PCDHGB5: variants seen among roughly 807,000 people sequenced by gnomAD.
The protein encoded by PCDHGB5 is protocadherin gamma-B5.
A neutral mutation model predicts 62.9 loss-of-function variants in PCDHGB5; 48 were observed. That is an observed-to-expected ratio of 0.76 (90% CI 0.61 to 0.97). The LOEUF is 0.97. PCDHGB5 is among the 50% of genes least tolerant of loss of function. PCDHGB5 has a pLI of 0.00. For synonymous variants in PCDHGB5, 474 were observed against 511.2 expected (o/e 0.93, Z 0.98); for missense variants, 1,118 against 1,198.6 (o/e 0.93, Z 0.99).
intron 1 of PCDHGB5, among the ~76,000 whole-genome samples, chr5:141,429,564 C>A (rs995466828): frequency 2.0e-5 from 3 of 152,092 alleles, no homozygotes; most frequent in African/African-American, 7.2e-5. Flanking sequence ...TGATAATATT[C>A]AGTTACATTT....
At chr5:141,464,976 A>G (rs2154568682) in intron 1 of PCDHGB5, among the ~76,000 whole-genome samples, 1 of 152,214 alleles carries the variant, frequency 6.6e-6, no homozygotes, top group East Asian at 1.9e-4. Flanking sequence ...TACTGGCTTC[A>G]AGTGATCCTC....
At chr5:141,455,860 ATTATTTATTTATTTATTTATTTAT>A (rs145569377) in intron 1 of PCDHGB5, among the ~76,000 whole-genome samples, 10 of 139,848 alleles carry the variant, frequency 7.2e-5, no homozygotes, top group Admixed American at 5.1e-4. Flanking sequence ...AATTTCTTTT[ATTATTTATTTATTTATTTATTTAT>A]TTATTTATTT....
At chr5:141,496,164 C>T (rs745320704) in intron 2 of PCDHGB5, among the ~76,000 whole-genome samples, 1 of 152,084 alleles carries the variant, frequency 6.6e-6, no homozygotes, top group Non-Finnish European at 1.5e-5. Context: ...CCACCAGACA[C>T]CCTCCCATCC....
At chr5:141,418,549 C>A in intron 1 of PCDHGB5, 1 of 1,614,024 alleles carries the variant, frequency 6.2e-7, no homozygotes, top group Non-Finnish European at 8.5e-7. Context: ...AGATAAGAAT[C>A]CTGGTAATAG....
chr5:141,432,766 C>G lies in PCDHGB5; in HGVS notation c.2397+32242C>G. On this transcript the variant is annotated intron_variant, in intron 1 of 3. Transcript: ENST00000617380. This position sits in a 1 kb window ranked among gnomAD's most constrained non-coding sequence, Gnocchi z 6.0. Reference sequence around the variant, plus strand: ...CCGTGGCCGTGGCCGACAGCATCCCCCAAGTCCTGGCGGACCTCGGCAGCC... The same window carrying G: ...CCGTGGCCGTGGCCGACAGCATCCCGCAAGTCCTGGCGGACCTCGGCAGCC... 6.2e-7 allele frequency: 1 copy of G among 1,614,160 alleles called. No individual in the cohort carries two copies. The highest frequency in any genetic ancestry group is 8.5e-7 in the Non-Finnish European group (1 of 1,179,994).
intron 1 of PCDHGB5, chr5:141,410,350 A>G (rs2154543015): frequency 1.2e-6 from 2 of 1,613,912 alleles, no homozygotes; most frequent in South Asian, 1.1e-5. Context: ...TGCGCCTGCG[A>G]CGCTCTCTCA....
At position 141,485,325 on chromosome 5, in the gene PCDHGB5, A is replaced by T; in HGVS notation, c.2398-9482A>T. 6.2e-7 allele frequency: 1 copy of T among 1,614,078 alleles called. No homozygotes were observed. Among genetic ancestry groups the T allele is most frequent in the Non-Finnish European group, 8.5e-7 (1 of 1,180,014 alleles). ...ACTTTTGTAGGGAATGTCGCTCAAG[A>T]TTTCCTGCTGGATACGGACAGTCTG... is the stretch of plus-strand genomic sequence containing the variant. On this transcript the variant is annotated intron_variant, in intron 1 of 3. Coordinates refer to ENST00000617380, the MANE Select transcript of PCDHGB5 (RefSeq NM_018925.3). This position sits in a 1 kb window ranked among gnomAD's most constrained non-coding sequence, Gnocchi z 5.7.
chr5:141,462,477 G>A (rs1430561580), intron 1 of PCDHGB5, among the ~76,000 whole-genome samples: 1 of 151,828 alleles, frequency 6.6e-6, no homozygotes, highest in East Asian at 1.9e-4. Flanking sequence ...TCTGCTTCTC[G>A]TGGTTGTTGT....
At chr5:141,453,811 A>G (rs541081089) in intron 1 of PCDHGB5, among the ~76,000 whole-genome samples, 1 of 152,350 alleles carries the variant, frequency 6.6e-6, no homozygotes, top group Admixed American at 6.5e-5. Context: ...AGTTCCATAA[A>G]GGACAAACTT....
At chr5:141,495,810 C>A (rs1003475681) in intron 2 of PCDHGB5, among the ~76,000 whole-genome samples, 2 of 152,088 alleles carry the variant, frequency 1.3e-5, no homozygotes, top group African/African-American at 4.8e-5. Flanking sequence ...CGTTTCCTAG[C>A]GCCTTGTGTT....
chr5:141,420,197 A>C (rs760921171), intron 1 of PCDHGB5: 2 of 1,613,630 alleles, frequency 1.2e-6, no homozygotes, highest in South Asian at 2.2e-5. Context: ...CACACAAGAT[A>C]ACCTCAACAA....
At position 141,454,263 on chromosome 5, in the gene PCDHGB5, T is replaced by C. The variant is rs954231508; in HGVS notation, c.2398-40544T>C. Among the ~76,000 whole-genome samples, 42 of 152,140 alleles carry C rather than the reference T, an allele frequency of 2.8e-4. 1 individual carries two copies. Among genetic ancestry groups the C allele is most frequent in the South Asian group, 1.0e-3 (5 of 4,826 alleles). On this transcript the variant is annotated intron_variant, in intron 1 of 3. Coordinates refer to ENST00000617380, the MANE Select transcript of PCDHGB5 (RefSeq NM_018925.3). Reference sequence around the variant, plus strand: ...GATGAAGATGTCCCAGAGAAAGTAATGCCAGCAAAAACTTCACATTAAAGG... The same window carrying C: ...GATGAAGATGTCCCAGAGAAAGTAACGCCAGCAAAAACTTCACATTAAAGG...
rs753846360 is a variant in PCDHGB5 at position 141,399,998 on chromosome 5, C to T, written c.1871C>T (p.Thr624Ile). 2.3e-5 allele frequency: 37 copies of T among 1,612,212 alleles called. No individual in the cohort carries two copies. The highest frequency in any genetic ancestry group is 2.7e-5 in the Non-Finnish European group (32 of 1,179,590). The change falls in exon 1 of 4, where the codon ACA (threonine) becomes ATA (isoleucine). Residue 624 changes from threonine (T) to isoleucine (I), a missense_variant. Transcript: ENST00000617380. The part of the protein sequence containing the change: ...SLGLRTGEVR[T>I]ARALGDRDAA... ...GGGCTGCGCACAGGAGAGGTGCGCA[C>T]AGCGCGTGCCTTGGGCGACAGGGAC... is the stretch of plus-strand genomic sequence containing the variant.
intron 1 of PCDHGB5, among the ~76,000 whole-genome samples, chr5:141,450,894 G>A (rs919860611): frequency 2.7e-5 from 4 of 148,956 alleles, no homozygotes; most frequent in Admixed American, 1.3e-4. Context: ...GTGCGATATC[G>A]GCTCACTGCA....
At chr5:141,421,267 C>A in intron 1 of PCDHGB5, 1 of 1,611,374 alleles carries the variant, frequency 6.2e-7, no homozygotes, top group South Asian at 1.1e-5. Flanking sequence ...CAGTCGGCTG[C>A]TGCTGCTGCT....
intron 1 of PCDHGB5, chr5:141,427,571 G>A: frequency 1.5e-6 from 1 of 662,942 alleles, no homozygotes. Flanking sequence ...GCAAGCCTCC[G>A]CTCTCATCCA....
intron 1 of PCDHGB5, chr5:141,420,295 T>G (rs1282298065): frequency 6.8e-7 from 1 of 1,466,506 alleles, no homozygotes; most frequent in East Asian, 2.3e-5. Flanking sequence ...AAAAATGTAT[T>G]TAATCCTTTT....
rs749347013 is a variant in PCDHGB5, at chr5:141,476,739, C to G, written c.2398-18068C>G. 6.2e-7 allele frequency: 1 copy of G among 1,614,068 alleles called. No individual in the cohort carries two copies. Among genetic ancestry groups the G allele is most frequent in the South Asian group, 1.1e-5 (1 of 91,088 alleles). On this transcript the variant is annotated intron_variant, in intron 1 of 3. Transcript: ENST00000617380. The surrounding 1 kb of genome is among the most constrained non-coding windows in gnomAD (Gnocchi z 7.6). Reference sequence around the variant, plus strand: ...CGCGCCCTGGACCGAGAACGGGAGCCTAGTCTCCAGTTAGTGCTGACGGCG... The same window carrying G: ...CGCGCCCTGGACCGAGAACGGGAGCGTAGTCTCCAGTTAGTGCTGACGGCG...
intron 1 of PCDHGB5, among the ~76,000 whole-genome samples, chr5:141,481,692 G>A (rs1231630072): frequency 3.3e-5 from 5 of 152,020 alleles, no homozygotes; most frequent in East Asian, 1.9e-4. Context: ...GGTGGCTCAC[G>A]CCTGTAATCC....
Sources: allele counts gnomAD v4.1 joint callset (sites outside exome capture counted in the v4.1 genomes callset), GRCh38; gene constraint gnomAD v4.1.1; non-coding constraint Gnocchi (gnomAD v3.1); transcripts MANE v1.5; gene names NCBI Gene and HGNC (gene_info 2026-07-23, HGNC 2026-07-21).